The following PCDH9 variants were observed in gnomAD, a reference collection of about 807,000 sequenced individuals.
PCDH9 encodes the protein protocadherin 9.
PCDH9 carries 24 observed loss-of-function variants against 70.6 expected under a neutral mutation model. That is an observed-to-expected ratio of 0.34 (90% confidence interval 0.25 to 0.48). The LOEUF (loss-of-function observed/expected upper bound fraction) is 0.48, where lower values mean the gene tolerates loss of function less well. Ranked by LOEUF, PCDH9 falls within the 20% of genes least tolerant of loss-of-function variation. The pLI is 0.99. For synonymous variants in PCDH9, 562 were observed against 558.5 expected (o/e 1.01, Z -0.09); for missense variants, 1,281 against 1,503.6 (o/e 0.85, Z 2.45).
intron 4 of PCDH9, among the ~76,000 whole-genome samples, chr13:66,328,135 C>T (rs2138108835): frequency 6.6e-6 from 1 of 152,268 alleles, no homozygotes; most frequent in African/African-American, 2.4e-5. Context: ...TTTTAATCTT[C>T]AAAGATTTAC....
chr13:66,622,231 C>A (rs548452956), intron 4 of PCDH9, among the ~76,000 whole-genome samples: 8 of 152,204 alleles, frequency 5.3e-5, no homozygotes, highest in African/African-American at 1.7e-4. Flanking sequence ...GAGCCTCCCC[C>A]GCTCCGTGGG....
At chr13:66,666,704 A>T (rs528079089) in intron 3 of PCDH9, among the ~76,000 whole-genome samples, 1 of 152,304 alleles carries the variant, frequency 6.6e-6, no homozygotes, top group East Asian at 1.9e-4. Context: ...ATTGTTATTA[A>T]TACTGATTCA....
intron 3 of PCDH9, among the ~76,000 whole-genome samples, chr13:66,660,658 T>C (rs1166800615): frequency 6.6e-5 from 10 of 152,164 alleles, no homozygotes; most frequent in Admixed American, 6.5e-4. Context: ...ATCTAGCAAC[T>C]TGTTATTTAC....
chr13:66,970,231 T>C (rs74471898), intron 2 of PCDH9, among the ~76,000 whole-genome samples: 1 of 152,200 alleles, frequency 6.6e-6, no homozygotes, highest in East Asian at 1.9e-4. Context: ...TAATTTTCAC[T>C]GCAGAAGAAC....
chr13:66,706,672 G>A (rs2078715692), intron 3 of PCDH9, among the ~76,000 whole-genome samples: 1 of 152,196 alleles, frequency 6.6e-6, no homozygotes, highest in Non-Finnish European at 1.5e-5. Flanking sequence ...TTGTGACTGA[G>A]AAGCTAAGAG....
intron 2 of PCDH9, among the ~76,000 whole-genome samples, chr13:66,980,998 A>G (rs919550075): frequency 1.3e-4 from 20 of 152,036 alleles, no homozygotes; most frequent in African/African-American, 4.6e-4. Context: ...TATTAAAGTA[A>G]GCGCCATGTG....
intron 4 of PCDH9, among the ~76,000 whole-genome samples, chr13:66,549,481 C>T (rs989348669): frequency 2.6e-5 from 4 of 151,908 alleles, no homozygotes; most frequent in Admixed American, 1.3e-4. Context: ...GTACATATAC[C>T]GTATCACATT....
Position 67,226,579 on chromosome 13 carries a change from T to C in PCDH9, c.1862A>G (p.Asp621Gly). Residue 621 changes from aspartate to glycine, a missense_variant, in exon 2 of 5, where the codon GAT becomes GGT. Coordinates refer to ENST00000377865, the MANE Select transcript of PCDH9 (RefSeq NM_203487.3). This position sits in a 1 kb window ranked among gnomAD's most constrained non-coding sequence, Gnocchi z 5.0. ...TGACTTTATGACTCCAGAATAGGGA[T>C]CCAACACAAAATTATCATTGTCATT... ...ILNDNDNFVL[D>G]PYSGVIKSNV... 1 of 1,613,832 alleles carries C rather than the reference T, an allele frequency of 6.2e-7. No homozygotes were observed. The highest frequency in any genetic ancestry group is 8.5e-7 in the Non-Finnish European group (1 of 1,179,730).
intron 3 of PCDH9, among the ~76,000 whole-genome samples, chr13:66,818,525 T>G (rs1240524186): frequency 6.6e-6 from 1 of 151,994 alleles, no homozygotes; most frequent in East Asian, 1.9e-4. Flanking sequence ...ATGAAAAAAA[T>G]TAAACTCAAG....
At chr13:67,166,116 A>G (rs2088109698) in intron 2 of PCDH9, among the ~76,000 whole-genome samples, 3 of 152,192 alleles carry the variant, frequency 2.0e-5, no homozygotes, top group Admixed American at 1.3e-4. Context: ...GGATTTTCCT[A>G]TCAGCATGGC....
chr13:66,482,012 C>T (rs1297146487), intron 4 of PCDH9, among the ~76,000 whole-genome samples: 1 of 152,004 alleles, frequency 6.6e-6, no homozygotes, highest in Non-Finnish European at 1.5e-5. Context: ...ATTCTAAGTT[C>T]TTTAACCCAG....
intron 4 of PCDH9, among the ~76,000 whole-genome samples, chr13:66,528,972 T>A (rs572442263): frequency 6.6e-6 from 1 of 152,206 alleles, no homozygotes; most frequent in South Asian, 2.1e-4. Context: ...AAACTTTGAG[T>A]GGTACCCTTC....
intron 2 of PCDH9, among the ~76,000 whole-genome samples, chr13:66,973,472 A>T (rs2083560816): frequency 6.6e-6 from 1 of 151,968 alleles, no homozygotes; most frequent in Admixed American, 6.6e-5. Context: ...GGAGGAAACG[A>T]CCAATATTGG....
chr13:66,416,864 T>C (rs1366080510), intron 4 of PCDH9, among the ~76,000 whole-genome samples: 1 of 152,182 alleles, frequency 6.6e-6, no homozygotes, highest in Non-Finnish European at 1.5e-5. Flanking sequence ...AGACACATCC[T>C]GAGAAAACGT....
At chr13:66,891,520 G>C (rs947265701) in intron 3 of PCDH9, among the ~76,000 whole-genome samples, 1 of 152,046 alleles carries the variant, frequency 6.6e-6, no homozygotes, top group East Asian at 1.9e-4. Flanking sequence ...TATCCTAGCT[G>C]TTTATTTTAG....
At chr13:66,347,787 G>T (rs1956234566) in intron 4 of PCDH9, among the ~76,000 whole-genome samples, 1 of 152,104 alleles carries the variant, frequency 6.6e-6, no homozygotes, top group South Asian at 2.1e-4. Context: ...GGTGGAAAAA[G>T]CCTCTCCCCA....
intron 4 of PCDH9, among the ~76,000 whole-genome samples, chr13:66,371,159 A>G (rs1956644169): frequency 6.6e-6 from 1 of 152,110 alleles, no homozygotes; most frequent in Admixed American, 6.6e-5. Flanking sequence ...CAAAGGTGGT[A>G]AAATTGTTCT....
At chr13:66,824,651 G>GAT (rs67211029) in intron 3 of PCDH9, among the ~76,000 whole-genome samples, 1,272 of 98,100 alleles carry the variant, frequency 0.013, 25 homozygotes, top group Non-Finnish European at 0.014. Flanking sequence ...GCGAAACTCT[G>GAT]ATATATATAT....
chr13:67,045,305 A>G (rs1397327401), intron 2 of PCDH9, among the ~76,000 whole-genome samples: 2 of 152,126 alleles, frequency 1.3e-5, no homozygotes, highest in Admixed American at 1.3e-4. Context: ...CATCCCTTAC[A>G]TAAATTCTAT....
Sources: allele counts gnomAD v4.1 joint callset (sites outside exome capture counted in the v4.1 genomes callset), GRCh38; gene constraint gnomAD v4.1.1; non-coding constraint Gnocchi (gnomAD v3.1); transcripts MANE v1.5; gene names NCBI Gene and HGNC (gene_info 2026-07-23, HGNC 2026-07-21).